PCSK6: variants seen among roughly 807,000 people sequenced by gnomAD.
The protein encoded by PCSK6 is proprotein convertase subtilisin/kexin type 6, also known as paired basic amino acid cleaving enzyme 4.
PCSK6 carries 85 observed loss-of-function variants against 123.3 expected under a neutral mutation model. The observed-to-expected ratio is 0.69, with a 90% CI of 0.58 to 0.83. The LOEUF (loss-of-function observed/expected upper bound fraction) is 0.83. Ranked by LOEUF, PCSK6 falls within the 40% of genes least tolerant of loss-of-function variation. The pLI, the probability that PCSK6 is intolerant of heterozygous loss-of-function variation, is 0.00. For synonymous variants in PCSK6, 508 were observed against 516.0 expected (o/e 0.98, Z 0.21); for missense variants, 1,191 against 1,282.3 (o/e 0.93, Z 1.09).
chr15:101,461,611 C>T (rs1241802051), intron 1 of PCSK6, among the ~76,000 whole-genome samples: 2 of 151,888 alleles, frequency 1.3e-5, no homozygotes, highest in Non-Finnish European at 2.9e-5. Flanking sequence ...TATTAGAAAG[C>T]CAAATTCAGC....
At chr15:101,473,080 C>G (rs1411282678) in intron 1 of PCSK6, among the ~76,000 whole-genome samples, 2 of 152,048 alleles carry the variant, frequency 1.3e-5, no homozygotes, top group African/African-American at 2.4e-5. Flanking sequence ...GTTTTGTTTT[C>G]TTTTCTTTTC....
chr15:101,366,730 G>A (rs909898030), intron 12 of PCSK6, among the ~76,000 whole-genome samples: 2 of 152,304 alleles, frequency 1.3e-5, no homozygotes, highest in Non-Finnish European at 2.9e-5. Context: ...TCCAGTGCCC[G>A]GATGCACGAA....
intron 13 of PCSK6, among the ~76,000 whole-genome samples, chr15:101,345,490 A>G (rs1304494516): frequency 6.6e-6 from 1 of 152,202 alleles, no homozygotes; most frequent in Non-Finnish European, 1.5e-5. Context: ...TCTGGAGGGG[A>G]AATTTAAAAT....
intron 11 of PCSK6, among the ~76,000 whole-genome samples, chr15:101,378,586 A>G (rs906393229): frequency 6.6e-6 from 1 of 152,192 alleles, no homozygotes; most frequent in African/African-American, 2.4e-5. Flanking sequence ...CAGGGTAAAC[A>G]CCAGGCAGTA....
At chr15:101,391,088 C>T (rs1037862518) in intron 8 of PCSK6, among the ~76,000 whole-genome samples, 13 of 152,108 alleles carry the variant, frequency 8.5e-5, no homozygotes, top group African/African-American at 3.1e-4. Flanking sequence ...GAAGATGTGA[C>T]GGGAAGGCCA....
intron 13 of PCSK6, among the ~76,000 whole-genome samples, chr15:101,333,278 C>T (rs1231874248): frequency 2.6e-5 from 4 of 152,216 alleles, no homozygotes; most frequent in African/African-American, 4.8e-5. Flanking sequence ...CTCATGCTGA[C>T]GGGGCTCCCG....
chr15:101,324,930 G>C lies in PCSK6; in HGVS notation c.2297C>G (p.Ser766Cys), dbSNP rs2040213739. The change falls in exon 17 of 22, where the codon TCT becomes TGT. Residue 766 changes from serine to cysteine, a missense_variant. By Grantham distance (112) the Ser-to-Cys change is moderately radical. This residue lies in a region of PCSK6 where 630 missense variants were observed against 631.4 expected (regional missense o/e 1.00). Transcript: ENST00000611716. ...CSSRAATQCL[S>C]CRRGFYHHQE... ...GTGGTGATAGAACCCGCGGCGGCAA[G>C]ACAGGCACTGCGTCGCAGCTCTGCT... 6.2e-7 allele frequency: 1 copy of C among 1,613,410 alleles called. No homozygotes were observed. The highest frequency in any genetic ancestry group is 1.3e-5 in the African/African-American group (1 of 74,926).
In PCSK6 at chr15:101,430,057, A is replaced by G. The variant is rs748045354; in HGVS notation, c.664T>C (p.Tyr222His). The change falls in exon 5 of 22, where the codon TAC (tyrosine) becomes CAC (histidine). Residue 222 changes from tyrosine (Y) to histidine (H), a missense_variant. Physicochemically the swap from Tyr to His is moderately conservative, Grantham distance 83 (BLOSUM62 2). Coordinates refer to ENST00000611716, the MANE Select transcript of PCSK6 (RefSeq NM_002570.5). ...HPDLAPNYDS[Y>H]ASYDVNGNDY... is the part of the protein sequence containing the mutation. ...TTGCCGTTCACGTCGTAGCTGGCGT[A>G]GGAATCCTAAGAAATGGAATCGTGG... is the stretch of plus-strand genomic sequence containing the variant. 3 of 1,613,650 alleles carry G rather than the reference A, an allele frequency of 1.9e-6. No individual in the cohort carries two copies. Among genetic ancestry groups the G allele is most frequent in the East Asian group, 2.2e-5 (1 of 44,888 alleles).
intron 6 of PCSK6, among the ~76,000 whole-genome samples, chr15:101,426,324 G>A (rs1003537105): frequency 5.9e-5 from 9 of 152,350 alleles, no homozygotes; most frequent in Admixed American, 3.3e-4. Flanking sequence ...GCTCAGAGAG[G>A]TTATGTAAGT....
intron 1 of PCSK6, chr15:101,463,057 T>C (rs1364184573): frequency 8.7e-6 from 4 of 461,724 alleles, no homozygotes; most frequent in Non-Finnish European, 1.7e-5. Context: ...CCAAAACCAC[T>C]GTCTTCCCTG....
intron 11 of PCSK6, among the ~76,000 whole-genome samples, chr15:101,379,944 G>A (rs2041867068): frequency 6.6e-6 from 1 of 152,150 alleles, no homozygotes; most frequent in Admixed American, 6.5e-5. Context: ...CCTCTCTCTG[G>A]AGGCCCGTAT....
chr15:101,385,938 C>G (rs2042049087), intron 9 of PCSK6, among the ~76,000 whole-genome samples: 1 of 152,170 alleles, frequency 6.6e-6, no homozygotes, highest in African/African-American at 2.4e-5. Flanking sequence ...CTAGGACTTT[C>G]TATTCAATCA....
chr15:101,414,318 A>C (rs745432190), intron 6 of PCSK6, among the ~76,000 whole-genome samples: 4 of 152,234 alleles, frequency 2.6e-5, no homozygotes, highest in African/African-American at 7.2e-5. Flanking sequence ...GAATAATTTA[A>C]TAGATGAGAA....
In PCSK6 at chr15:101,427,880, G is replaced by T; in HGVS notation, c.823+12C>A. The T allele has an allele frequency of 6.4e-7, 1 of 1,552,074 alleles. No individual in the cohort carries two copies. The highest frequency in any genetic ancestry group is 8.7e-7 in the Non-Finnish European group (1 of 1,146,006). On this transcript the variant is annotated intron_variant, in intron 6 of 21. Transcript: ENST00000611716. The stretch of plus-strand genomic sequence containing the variant: ...GGCCCCTCGGCTCGCAGGCTGCCAC[G>T]CCCGGCCTTACCTCCTATTTTGGCA...
chr15:101,325,449 G>A lies in PCSK6; in HGVS notation c.2181-403C>T, dbSNP rs559129570. On this transcript the variant is annotated intron_variant, in intron 16 of 21. Transcript: ENST00000611716. ...GCACTTTGGCCAGTGAGTGCGCTGT[G>A]GCTGGGAGCTCGAGGACGCCACGAG... is the stretch of plus-strand genomic sequence containing the variant. 7.6e-4 allele frequency among the ~76,000 whole-genome samples: 116 copies of A among 152,322 alleles called. 1 individual carries two copies. The highest frequency in any genetic ancestry group is 5.6e-4 in the Non-Finnish European group (38 of 68,026).
chr15:101,353,126 C>T (rs2040941508), intron 13 of PCSK6, among the ~76,000 whole-genome samples: 1 of 151,886 alleles, frequency 6.6e-6, no homozygotes, highest in Non-Finnish European at 1.5e-5. Flanking sequence ...AATAACTATA[C>T]AACTCATCAT....
chr15:101,489,565 C>T lies in PCSK6; in HGVS notation c.106G>A (p.Ala36Thr), dbSNP rs1173098347. 54 of 895,942 alleles carry T rather than the reference C, an allele frequency of 6.0e-5. No homozygotes were observed. Among genetic ancestry groups the T allele is most frequent in the African/African-American group, 6.6e-5 (2 of 30,410 alleles). The allele number at this position is 895,942 out of a possible 1,614,324, so 55.5% of individuals were successfully genotyped here. Reference protein sequence around the residue: ...GAGGAGGAGGAGGPGFRPLAP... With the variant: ...GAGGAGGAGGTGGPGFRPLAP... ...AGCGGCCGGAACCCGGGCCCGCCGG[C>T]GCCCCCCGCGCCCCCCGCGCCCCCC... is the stretch of plus-strand genomic sequence containing the variant. The change falls in exon 1 of 22, where the codon GCC (alanine) becomes ACC (threonine). Residue 36 changes from alanine to threonine, a missense_variant. Coordinates refer to ENST00000611716, the MANE Select transcript of PCSK6 (RefSeq NM_002570.5).
Position 101,384,336 on chromosome 15 carries a change from C to T in PCSK6, c.1400G>A (p.Gly467Asp). 6.2e-7 allele frequency: 1 copy of T among 1,613,792 alleles called. No individual in the cohort carries two copies. The highest frequency in any genetic ancestry group is 1.1e-5 in the South Asian group (1 of 91,034). Residue 467 changes from glycine to aspartate, a missense_variant, in exon 10 of 22, where the codon GGC (glycine) becomes GAC (aspartate). Transcript: ENST00000611716. Reference protein sequence around the residue: ...HLKASDWKVNGAGHKVSHFYG... With the variant: ...HLKASDWKVNDAGHKVSHFYG... ...CACTGCCGCACCTTTATGACCCGCGCCGTTCACTTTCCAGTCGCTCGCTTT... is the reference window on the plus strand; with the variant it reads ...CACTGCCGCACCTTTATGACCCGCGTCGTTCACTTTCCAGTCGCTCGCTTT...
At chr15:101,410,886 A>G (rs747495289) in intron 6 of PCSK6, among the ~76,000 whole-genome samples, 2 of 152,218 alleles carry the variant, frequency 1.3e-5, no homozygotes, top group African/African-American at 2.4e-5. Flanking sequence ...GCACAGAGGC[A>G]CACTAAGAAC....
Sources: allele counts gnomAD v4.1 joint callset (sites outside exome capture counted in the v4.1 genomes callset), GRCh38; gene constraint gnomAD v4.1.1; regional missense constraint gnomAD v4.1.1; transcripts MANE v1.5; gene names NCBI Gene and HGNC (gene_info 2026-07-23, HGNC 2026-07-21).